ARL9: variants seen among roughly 807,000 people sequenced by gnomAD.
ARL9 encodes ADP-ribosylation factor-like protein 9.
ARL9 carries 14 observed loss-of-function variants against 27.0 expected under a neutral mutation model. That is an observed-to-expected ratio of 0.52 (90% CI 0.34 to 0.81). The LOEUF is 0.81. Ranked by LOEUF, ARL9 falls within the 30% of genes least tolerant of loss-of-function variation. The pLI is 0.01. For missense variants in ARL9, 294 were observed against 290.0 expected (o/e 1.01, Z -0.10); for synonymous variants, 106 against 108.7 (o/e 0.98, Z 0.15).
intron 1 of ARL9, among the ~76,000 whole-genome samples, chr4:56,509,653 G>A (rs1721574708): frequency 6.6e-6 from 1 of 150,380 alleles, no homozygotes; most frequent in Non-Finnish European, 1.5e-5. Context: ...TCCTGCCTCA[G>A]CCTCCCAGAT....
chr4:56,520,292 C>T (rs757221750), intron 3 of ARL9, among the ~76,000 whole-genome samples: 3 of 152,118 alleles, frequency 2.0e-5, no homozygotes, highest in South Asian at 2.1e-4. Flanking sequence ...TGTGAACCAC[C>T]GCACCTGGCT....
chr4:56,514,540 G>C (rs1721722515), intron 2 of ARL9, among the ~76,000 whole-genome samples: 1 of 152,140 alleles, frequency 6.6e-6, no homozygotes, highest in Non-Finnish European at 1.5e-5. Context: ...TATAATACCT[G>C]TATTAACAAA....
Position 56,506,170 on chromosome 4 carries a change from G to A in ARL9, c.279+29G>A, listed in dbSNP as rs1721454382. 4 of 1,232,768 alleles carry A rather than the reference G, an allele frequency of 3.2e-6. No homozygotes were observed. The South Asian group carries it at 1.6e-4, about 51-fold the overall frequency. The allele number at this position is 1,232,768 out of a possible 1,614,324, so 76.4% of individuals were successfully genotyped here. On this transcript the variant is annotated intron_variant, in intron 1 of 3. Coordinates refer to ENST00000640821, the MANE Select transcript of ARL9 (RefSeq NM_001363794.2). ...AGAGACCCAGTGCCCAGGACCCCTT[G>A]CCCCAAGGCTTTTGTCGGCCGTTCA...
At chr4:56,506,750 G>A (rs1344119301) in intron 1 of ARL9, 1 of 858,878 alleles carries the variant, frequency 1.2e-6, no homozygotes, top group Non-Finnish European at 1.4e-6. Context: ...TTAGAGCTGC[G>A]CTCTGGTTCT....
At chr4:56,506,674 C>T (rs1721471082) in intron 1 of ARL9, 23 of 985,266 alleles carry the variant, frequency 2.3e-5, no homozygotes, top group Non-Finnish European at 2.7e-5. Context: ...GTCTTAGAAA[C>T]TTGGCATTAT....
chr4:56,517,161 C>T (rs1207705284), intron 2 of ARL9, among the ~76,000 whole-genome samples: 3 of 152,096 alleles, frequency 2.0e-5, no homozygotes, highest in African/African-American at 7.2e-5. Flanking sequence ...AAATGAGGAA[C>T]AACTCAAACG....
chr4:56,509,811 A>G (rs978042714), intron 1 of ARL9, among the ~76,000 whole-genome samples: 2 of 149,536 alleles, frequency 1.3e-5, no homozygotes, highest in South Asian at 2.1e-4. Context: ...GGGTTCAAGC[A>G]ATTCTCCTGC....
chr4:56,505,632 T>G (rs1283256897), upstream of ARL9: 1 of 662,086 alleles, frequency 1.5e-6, no homozygotes, highest in East Asian at 3.0e-5. Flanking sequence ...CCTCCGCCCT[T>G]CCCTCTTTGC....
intron 3 of ARL9, among the ~76,000 whole-genome samples, chr4:56,521,040 T>C (rs769952388): frequency 4.6e-5 from 7 of 151,836 alleles, no homozygotes; most frequent in Non-Finnish European, 1.0e-4. Context: ...TGAAACCCTG[T>C]CTCTACTAAA....
intron 1 of ARL9, chr4:56,506,612 T>G: frequency 8.1e-6 from 8 of 985,302 alleles, no homozygotes; most frequent in Non-Finnish European, 9.6e-6. Context: ...GCTGCAGTTG[T>G]TTTCAGACCA....
rs1578205243 is a variant in ARL9, at chr4:56,506,059, A to G, written c.197A>G (p.Lys66Arg). 2 of 1,201,418 alleles carry G rather than the reference A, an allele frequency of 1.7e-6. No individual in the cohort carries two copies. Among genetic ancestry groups the G allele is most frequent in the African/African-American group, 1.6e-5 (1 of 63,898 alleles). The allele number at this position is 1,201,418 out of a possible 1,614,324, so 74.4% of individuals were successfully genotyped here. ...ACAAAGCAAGGGAAGGAGACAAACA[A>G]AGAGAAGGAACAATTTAAGGGACAA... is the stretch of plus-strand genomic sequence containing the variant. ...KRTKQGKETN[K>R]EKEQFKGQEE... is the part of the protein sequence containing the mutation. Residue 66 changes from lysine to arginine, a missense_variant, in exon 1 of 4, where the codon AAA becomes AGA. By Grantham distance (26) the Lys-to-Arg change is conservative. Transcript: ENST00000640821.
intron 1 of ARL9, among the ~76,000 whole-genome samples, chr4:56,509,101 G>C (rs1560695639): frequency 6.6e-6 from 1 of 151,974 alleles, no homozygotes; most frequent in Non-Finnish European, 1.5e-5. Context: ...AGAGCACCCT[G>C]TACGATCTTC....
chr4:56,522,344 C>A (rs1721947601), intron 3 of ARL9, among the ~76,000 whole-genome samples: 1 of 150,928 alleles, frequency 6.6e-6, no homozygotes. Flanking sequence ...TCGCTTGAAC[C>A]TGGGAGGCGG....
intron 2 of ARL9, among the ~76,000 whole-genome samples, chr4:56,516,584 CAAAAA>C (rs10718013): frequency 1.7e-5 from 2 of 120,840 alleles, no homozygotes; most frequent in Admixed American, 9.0e-5. Context: ...TCAAATTAGG[CAAAAA>C]AAAAAAAAAA....
chr4:56,510,688 A>G (rs1044359089), intron 1 of ARL9, among the ~76,000 whole-genome samples: 1 of 152,190 alleles, frequency 6.6e-6, no homozygotes, highest in Non-Finnish European at 1.5e-5. Flanking sequence ...TGAAATTAGT[A>G]TCACATAATG....
intron 3 of ARL9, among the ~76,000 whole-genome samples, chr4:56,520,476 T>C (rs1251526146): frequency 6.6e-6 from 1 of 152,126 alleles, no homozygotes; most frequent in Non-Finnish European, 1.5e-5. Context: ...AAATAGAAAG[T>C]GGAGTGGTGA....
chr4:56,508,230 C>T (rs1721524765), intron 1 of ARL9, among the ~76,000 whole-genome samples: 1 of 152,046 alleles, frequency 6.6e-6, no homozygotes, highest in African/African-American at 2.4e-5. Context: ...TGCCCCTCTT[C>T]CTTACCTTGA....
At chr4:56,505,239 T>C, upstream of ARL9, 1 of 343,098 alleles carries the variant, frequency 2.9e-6, no homozygotes, top group South Asian at 2.1e-5. Flanking sequence ...TGGGTAATAG[T>C]CAACTAATAA....
chr4:56,513,238 G>A (rs890990803), intron 2 of ARL9, among the ~76,000 whole-genome samples: 3 of 152,184 alleles, frequency 2.0e-5, no homozygotes, highest in Admixed American at 6.5e-5. Flanking sequence ...GTGGTATTCA[G>A]TGATATAAAT....
Sources: allele counts gnomAD v4.1 joint callset (sites outside exome capture counted in the v4.1 genomes callset), GRCh38; gene constraint gnomAD v4.1.1; transcripts MANE v1.5; gene names NCBI Gene and HGNC (gene_info 2026-07-23, HGNC 2026-07-21).